HAAO: variants seen among roughly 807,000 people sequenced by gnomAD.
HAAO encodes 3-hydroxyanthranilate oxygenase.
HAAO carries 49 observed loss-of-function variants against 46.2 expected under a neutral mutation model. The observed-to-expected ratio is 1.06, with a 90% CI of 0.84 to 1.34. The LOEUF (loss-of-function observed/expected upper bound fraction) is 1.34, where lower values mean the gene tolerates loss of function less well. Among genes scored for constraint, HAAO ranks in the 40% most tolerant of loss-of-function variants. The pLI, the probability that HAAO is intolerant of heterozygous loss-of-function variation, is 0.00. For missense variants in HAAO, 408 were observed against 364.5 expected, an observed-to-expected ratio of 1.12 and a Z score of -0.97; for synonymous variants, 157 against 145.2, an observed-to-expected ratio of 1.08 and a Z score of -0.58.
intron 2 of HAAO, among the ~76,000 whole-genome samples, chr2:42,786,713 G>A (rs73930489): frequency 0.17 from 25,681 of 152,190 alleles, 3,635 homozygotes; most frequent in African/African-American, 0.36. Context: ...CTCCAAGAAA[G>A]GAGTGAGGTA....
intron 4 of HAAO, among the ~76,000 whole-genome samples, chr2:42,775,439 C>A (rs1671476484): frequency 1.3e-5 from 2 of 151,894 alleles, no homozygotes; most frequent in African/African-American, 4.8e-5. Context: ...CATTTTTTTC[C>A]AGCTGAAATA....
intron 4 of HAAO, among the ~76,000 whole-genome samples, chr2:42,773,465 G>A (rs989408560): frequency 6.6e-6 from 1 of 151,932 alleles, no homozygotes; most frequent in African/African-American, 2.4e-5. Context: ...CCTCTGGCCC[G>A]CTTTCCACAT....
At chr2:42,783,237 C>T in intron 4 of HAAO, 77 bp downstream of exon 4, 1 of 847,520 alleles carries the variant, frequency 1.2e-6, no homozygotes, top group Non-Finnish European at 2.0e-6. Flanking sequence ...TATCTAGGAT[C>T]CCTTCAGCTG....
intron 1 of HAAO, 90 bp from the exon 2 acceptor site, chr2:42,788,697 G>A: frequency 1.2e-6 from 1 of 852,370 alleles, no homozygotes; most frequent in Non-Finnish European, 2.0e-6. Context: ...GGGAGCCTGA[G>A]GGCCCCTGGG....
intron 4 of HAAO, among the ~76,000 whole-genome samples, chr2:42,777,351 G>T (rs1671662577): frequency 6.8e-6 from 1 of 147,952 alleles, no homozygotes; most frequent in East Asian, 2.0e-4. Flanking sequence ...AAAAGAATGT[G>T]AAAGTCTAAG....
chr2:42,775,343 C>G (rs760388492), intron 4 of HAAO, among the ~76,000 whole-genome samples: 41 of 151,148 alleles, frequency 2.7e-4, no homozygotes, highest in Admixed American at 5.9e-4. Context: ...ATTTTGACTG[C>G]TAAGGGGCTT....
chr2:42,773,698 T>C (rs975466519), intron 4 of HAAO, among the ~76,000 whole-genome samples: 20 of 151,420 alleles, frequency 1.3e-4, no homozygotes, highest in African/African-American at 4.6e-4. Flanking sequence ...GCCATTCTCC[T>C]GCCCCAGCCT....
intron 1 of HAAO, among the ~76,000 whole-genome samples, chr2:42,790,795 G>A (rs576141144): frequency 3.3e-5 from 5 of 152,266 alleles, no homozygotes; most frequent in African/African-American, 1.2e-4. Context: ...GCCTCCCAAA[G>A]TGCTGGGATT....
intron 4 of HAAO, among the ~76,000 whole-genome samples, chr2:42,773,732 G>A (rs966662065): frequency 1.3e-5 from 2 of 152,012 alleles, no homozygotes; most frequent in Non-Finnish European, 2.9e-5. Context: ...GAATACAGGC[G>A]CCCGCCACCA....
At chr2:42,786,821 G>A (rs972633668) in intron 2 of HAAO, among the ~76,000 whole-genome samples, 3 of 152,174 alleles carry the variant, frequency 2.0e-5, no homozygotes, top group Non-Finnish European at 4.4e-5. Flanking sequence ...GCTCAGTGAG[G>A]AGGAAAGTGT....
intron 4 of HAAO, among the ~76,000 whole-genome samples, chr2:42,779,934 C>T (rs1671862714): frequency 6.6e-6 from 1 of 152,116 alleles, no homozygotes; most frequent in Non-Finnish European, 1.5e-5. Flanking sequence ...GTTTGGTTTT[C>T]TTTAGGCTGT....
intron 1 of HAAO, 72 bp from the exon 2 acceptor site, chr2:42,788,679 G>T: frequency 1.0e-6 from 1 of 984,406 alleles, no homozygotes; most frequent in Non-Finnish European, 1.6e-6. Context: ...GTCCCGTGGG[G>T]GCCAGGAGGG....
At position 42,767,650 on chromosome 2, in the gene HAAO, C is replaced by T. The variant is rs528800387; in HGVS notation, c.727G>A (p.Gly243Arg). 1.3e-6 allele frequency: 2 copies of T among 1,568,772 alleles called. No individual in the cohort carries two copies. Among genetic ancestry groups the T allele is most frequent in the South Asian group, 2.3e-5 (2 of 86,244 alleles). ...LEGSSVVTMG[G>R]RRLSLAPDDS... The stretch of plus-strand genomic sequence containing the variant: ...TCAGGGGCCAGGCTCAGGCGCCGTC[C>T]CCCCATTGTCACCACCGAGGAGCCC... The change falls in exon 9 of 10, where the codon GGA becomes AGA. Residue 243 changes from glycine to arginine, a missense_variant. By Grantham distance (125) the Gly-to-Arg change is moderately radical (BLOSUM62 -2). Transcript: ENST00000294973.
At chr2:42,789,550 CAG>C (rs755382697) in intron 1 of HAAO, among the ~76,000 whole-genome samples, 101 of 144,956 alleles carry the variant, frequency 7.0e-4, no homozygotes, top group African/African-American at 1.1e-3. Flanking sequence ...GCCTGGGTAA[CAG>C]GGGGAGACTC....
chr2:42,792,580 G>T lies in HAAO; in HGVS notation c.-44C>A. The T allele has an allele frequency of 7.1e-7, 1 of 1,415,772 alleles. No individual in the cohort carries two copies. Among genetic ancestry groups the T allele is most frequent in the Non-Finnish European group, 9.5e-7 (1 of 1,053,206 alleles). 87.7% of individuals were successfully genotyped at this position (1,415,772 alleles called of 1,614,324 possible). ...CTCGCAGCGCTGTCCTCCCGCCGTC[G>T]GAGGCCCGCAGCTCCGCCCAGCCGC... On this transcript the variant is annotated 5_prime_UTR_variant, in exon 1 of 10. Coordinates refer to ENST00000294973, the MANE Select transcript of HAAO (RefSeq NM_012205.3).
intron 1 of HAAO, chr2:42,788,932 A>C (rs34238794): frequency 3.0e-6 from 1 of 338,088 alleles, no homozygotes; most frequent in Non-Finnish European, 5.7e-6. Flanking sequence ...CTCGAATTAC[A>C]GGAGAGTAGC....
chr2:42,790,163 T>G (rs1467244685), intron 1 of HAAO, among the ~76,000 whole-genome samples: 2 of 152,036 alleles, frequency 1.3e-5, no homozygotes, highest in African/African-American at 4.8e-5. Context: ...CTGGGAGGCA[T>G]GGAGGCAAGA....
chr2:42,776,533 C>A (rs551545544), intron 4 of HAAO, among the ~76,000 whole-genome samples: 81 of 151,932 alleles, frequency 5.3e-4, no homozygotes, highest in African/African-American at 1.8e-3. Flanking sequence ...CCACCATGCC[C>A]AGCCAGCATC....
At chr2:42,777,303 C>CAAAAA (rs1215772853) in intron 4 of HAAO, among the ~76,000 whole-genome samples, 41 of 39,850 alleles carry the variant, frequency 1.0e-3, no homozygotes, top group Middle Eastern at 0.014. Flanking sequence ...ACTCTTATCG[C>CAAAAA]AAAAAAAAAA....
Sources: allele counts gnomAD v4.1 joint callset (sites outside exome capture counted in the v4.1 genomes callset), GRCh38; gene constraint gnomAD v4.1.1; transcripts MANE v1.5; gene names NCBI Gene and HGNC (gene_info 2026-07-23, HGNC 2026-07-21).